Variants in STK35 observed in about 807,000 individuals in gnomAD.
STK35 encodes the protein serine/threonine kinase 35, also known as serine/threonine-protein kinase 35.
In STK35, 17 loss-of-function variants were observed where a neutral mutation model predicts 37.3. That is an observed-to-expected ratio of 0.46 (90% CI 0.31 to 0.68). The LOEUF (loss-of-function observed/expected upper bound fraction) is 0.68. STK35 is among the 30% of genes least tolerant of loss of function. The pLI, the probability that STK35 is intolerant of heterozygous loss-of-function variation, is 0.05. For missense variants in STK35, 595 were observed against 746.7 expected, an observed-to-expected ratio of 0.80 and a Z score of 2.37; for synonymous variants, 385 against 319.1, an observed-to-expected ratio of 1.21 and a Z score of -2.20.
chr20:2,122,140 C>T (rs1207704363), intron 3 of STK35, among the ~76,000 whole-genome samples: 1 of 152,120 alleles, frequency 6.6e-6, no homozygotes, highest in African/African-American at 2.4e-5. Context: ...TTGAGACCAG[C>T]CTGGGCAACA....
At chr20:2,130,051 G>A (rs1306568505) in intron 3 of STK35, among the ~76,000 whole-genome samples, 1 of 152,186 alleles carries the variant, frequency 6.6e-6, no homozygotes, top group East Asian at 1.9e-4. Context: ...GGAAGGAGTG[G>A]CTCAGAGCTG....
intron 3 of STK35, among the ~76,000 whole-genome samples, chr20:2,137,374 C>G (rs1338663764): frequency 6.6e-6 from 1 of 152,216 alleles, no homozygotes. Context: ...CCAAGCCACG[C>G]TCCTCTGCAT....
intron 3 of STK35, among the ~76,000 whole-genome samples, chr20:2,130,584 C>CTTTA (rs757109889): frequency 3.9e-5 from 6 of 152,092 alleles, no homozygotes; most frequent in Non-Finnish European, 8.8e-5. Flanking sequence ...CTCGCTCTCT[C>CTTTA]TTTATTTATT....
At chr20:2,123,608 G>A (rs571274718) in intron 3 of STK35, among the ~76,000 whole-genome samples, 2 of 152,254 alleles carry the variant, frequency 1.3e-5, no homozygotes, top group South Asian at 2.1e-4. Context: ...GTGTTGTTAC[G>A]CACGCTATAG....
In STK35 at chr20:2,117,683, G is replaced by A. The variant is rs1985741685; in HGVS notation, c.*37+268G>A. On this transcript the variant is annotated intron_variant, in intron 3 of 3. Coordinates refer to ENST00000381482, the MANE Select transcript of STK35 (RefSeq NM_080836.4). The surrounding 1 kb of genome is among the most constrained non-coding windows in gnomAD (Gnocchi z 4.4). ...TGGTCTCAAACTTCTGACCTCAAGC[G>A]ATCTGCTGGTCTCAGCCTCCCAAAG... Among the ~76,000 whole-genome samples, 2 of 152,132 alleles carry A rather than the reference G, an allele frequency of 1.3e-5. No homozygotes were observed. The highest frequency in any genetic ancestry group is 2.4e-5 in the African/African-American group (1 of 41,416).
At chr20:2,109,047 T>C (rs573557379) in intron 2 of STK35, among the ~76,000 whole-genome samples, 1 of 152,322 alleles carries the variant, frequency 6.6e-6, no homozygotes, top group South Asian at 2.1e-4. Context: ...CACCCTCTTA[T>C]CGACCACCTA....
intron 3 of STK35, among the ~76,000 whole-genome samples, chr20:2,126,201 C>T (rs1261818282): frequency 6.6e-6 from 1 of 152,196 alleles, no homozygotes; most frequent in Admixed American, 6.5e-5. Flanking sequence ...GATTCTGGAG[C>T]CAAGTCAGAT....
rs544775593 is a variant in STK35 at position 2,145,291 on chromosome 20, T to C, written c.*1545T>C. The stretch of plus-strand genomic sequence containing the variant: ...GGCTTTTCACCCCATTATGGCCAAA[T>C]AGTATAGGGCCACTGGGGAGGGGGA... On this transcript the variant is annotated 3_prime_UTR_variant, in exon 4 of 4. Transcript: ENST00000381482. 6.6e-6 allele frequency: 1 copy of C among 152,452 alleles called. No individual in the cohort carries two copies. Among genetic ancestry groups the C allele is most frequent in the African/African-American group, 2.4e-5 (1 of 41,586 alleles). The allele number at this position is 152,452 out of a possible 1,614,324, so 9.4% of individuals were successfully genotyped here. A position where few individuals can be genotyped will look rare whatever the true frequency, so the allele number is the denominator to read the frequency against.
chr20:2,136,825 T>C (rs1412723694), intron 3 of STK35, among the ~76,000 whole-genome samples: 1 of 152,180 alleles, frequency 6.6e-6, no homozygotes, highest in African/African-American at 2.4e-5. Flanking sequence ...ACGACAAGGC[T>C]AGTGGGATCT....
chr20:2,141,557 C>T (rs771816708), intron 3 of STK35, among the ~76,000 whole-genome samples: 5 of 152,184 alleles, frequency 3.3e-5, no homozygotes, highest in Non-Finnish European at 2.9e-5. Context: ...TTTTCTTGTT[C>T]ATTAAAGTAC....
intron 2 of STK35, among the ~76,000 whole-genome samples, chr20:2,114,696 C>T (rs1387134409): frequency 1.3e-5 from 2 of 152,154 alleles, no homozygotes; most frequent in East Asian, 3.8e-4. Flanking sequence ...TTTTTCTTTC[C>T]CTGGATTCTC....
chr20:2,118,296 T>G (rs1985755023), intron 3 of STK35, among the ~76,000 whole-genome samples: 1 of 152,216 alleles, frequency 6.6e-6, no homozygotes, highest in African/African-American at 2.4e-5. Context: ...ATAAAGAATG[T>G]ATTAGTGAAT....
At chr20:2,116,540 G>T (rs1036392387) in intron 2 of STK35, 126 bp from the exon 3 acceptor site, 7 of 1,040,780 alleles carry the variant, frequency 6.7e-6, no homozygotes, top group African/African-American at 1.6e-5. Flanking sequence ...AGTGCCAGTT[G>T]TGCAGGTCCC....
At chr20:2,112,897 C>A (rs1423508322) in intron 2 of STK35, among the ~76,000 whole-genome samples, 1 of 152,176 alleles carries the variant, frequency 6.6e-6, no homozygotes, top group Non-Finnish European at 1.5e-5. Context: ...TTCCTCTCAG[C>A]TCAAAAAACT....
intron 3 of STK35, among the ~76,000 whole-genome samples, chr20:2,142,070 G>T (rs6046998): frequency 0.35 from 52,585 of 152,046 alleles, 10,981 homozygotes; most frequent in East Asian, 0.92. Context: ...CCCTCCTCCA[G>T]CAGTGTGCGG....
rs1000960214 is a variant in STK35 at position 2,148,066 on chromosome 20, T to G, written c.*4320T>G. 4.6e-5 allele frequency: 7 copies of G among 150,604 alleles called. No individual in the cohort carries two copies. 9.3% of individuals were successfully genotyped at this position (150,604 alleles called of 1,614,324 possible). A position where few individuals can be genotyped will look rare whatever the true frequency, so the allele number is the denominator to read the frequency against. On this transcript the variant is annotated 3_prime_UTR_variant, in exon 4 of 4. Transcript: ENST00000381482. The stretch of plus-strand genomic sequence containing the variant: ...CCGAGATGAGTCCACTGCCGTTGCC[T>G]GCCCGAGGGCCCCCTAAGGTTATAG...
chr20:2,128,557 C>T (rs1378276624), intron 3 of STK35, among the ~76,000 whole-genome samples: 2 of 152,110 alleles, frequency 1.3e-5, no homozygotes, highest in African/African-American at 4.8e-5. Flanking sequence ...CATTTGTCTT[C>T]AGGATAGGGT....
chr20:2,116,436 G>T (rs542941494), intron 2 of STK35, among the ~76,000 whole-genome samples: 2 of 152,134 alleles, frequency 1.3e-5, no homozygotes, highest in Non-Finnish European at 2.9e-5. Flanking sequence ...TCAACCAGAC[G>T]GCAGTAAACC....
Position 2,103,375 on chromosome 20 carries a change from C to T in STK35, c.892+10C>T, listed in dbSNP as rs1436033050. 2 of 1,604,592 alleles carry T rather than the reference C, an allele frequency of 1.2e-6. No homozygotes were observed. The highest frequency in any genetic ancestry group is 1.3e-5 in the African/African-American group (1 of 74,822). On this transcript the variant is annotated intron_variant, in intron 2 of 3. Coordinates refer to ENST00000381482, the MANE Select transcript of STK35 (RefSeq NM_080836.4). The stretch of plus-strand genomic sequence containing the variant: ...GAGACCTCGCTGAAAGGTAGGAGCA[C>T]CGCGGGCCTTTCCACCCACGCAGGG...
Sources: allele counts gnomAD v4.1 joint callset (sites outside exome capture counted in the v4.1 genomes callset), GRCh38; gene constraint gnomAD v4.1.1; non-coding constraint Gnocchi (gnomAD v3.1); transcripts MANE v1.5; gene names NCBI Gene and HGNC (gene_info 2026-07-23, HGNC 2026-07-21).